Variants in SAMD5 observed in about 807,000 individuals in gnomAD.
SAMD5 encodes the protein sterile alpha motif domain-containing protein 5.
SAMD5 carries 13 observed loss-of-function variants against 11.3 expected under a neutral mutation model. The observed-to-expected ratio is 1.15, with a 90% CI of 0.75 to 1.83. SAMD5 has a LOEUF of 1.83. SAMD5 is among the 40% of genes most tolerant of loss of function. SAMD5 has a pLI of 0.00. For synonymous variants in SAMD5, 129 were observed against 111.3 expected, an observed-to-expected ratio of 1.16 and a Z score of -1.00; for missense variants, 255 against 239.1, an observed-to-expected ratio of 1.07 and a Z score of -0.44.
At chr6:147,677,618 AAGGGGCTGGGCAGC>A (rs949903177) in intron 1 of SAMD5, among the ~76,000 whole-genome samples, 1 of 152,142 alleles carries the variant, frequency 6.6e-6, no homozygotes, top group Non-Finnish European at 1.5e-5. Context: ...GAGTAGCATA[AAGGGGCTGGGCAGC>A]AGAAGAGCTC....
the SAMD5 span, among the ~76,000 whole-genome samples, chr6:147,814,230 T>A: frequency 6.6e-6 from 1 of 152,188 alleles, no homozygotes; most frequent in African/African-American, 2.4e-5. Context: ...AATAAGAATC[T>A]AGGGTTTTGT....
chr6:147,599,043 G>A (rs1789577765), intron 1 of SAMD5, among the ~76,000 whole-genome samples: 1 of 152,224 alleles, frequency 6.6e-6, no homozygotes, highest in South Asian at 2.1e-4. Context: ...TGGAGCAGGA[G>A]GAGAACTGAG....
chr6:147,816,301 A>AAAAAAAAAAAAAAAAATAT, the SAMD5 span, among the ~76,000 whole-genome samples: 3 of 66,356 alleles, frequency 4.5e-5, no homozygotes, highest in African/African-American at 1.0e-4. Context: ...AAAAAAAAAA[A>AAAAAAAAAAAAAAAAATAT]ATATATATAT....
the SAMD5 span, among the ~76,000 whole-genome samples, chr6:147,927,136 T>G: frequency 2.0e-5 from 3 of 152,196 alleles, no homozygotes; most frequent in Non-Finnish European, 4.4e-5. Context: ...AATATTGCCT[T>G]GGTTATTCGG....
intron 1 of SAMD5, among the ~76,000 whole-genome samples, chr6:147,737,065 A>T (rs1791813318): frequency 6.6e-6 from 1 of 152,166 alleles, no homozygotes; most frequent in Non-Finnish European, 1.5e-5. Flanking sequence ...TTAACTTTGC[A>T]ATGCATGTAT....
intron 1 of SAMD5, among the ~76,000 whole-genome samples, chr6:147,733,467 A>G (rs1181333849): frequency 6.6e-6 from 1 of 151,062 alleles, no homozygotes; most frequent in Non-Finnish European, 1.5e-5. Flanking sequence ...CATTGAAACA[A>G]CTGGACTGAG....
At chr6:147,650,209 G>A (rs973338507) in intron 1 of SAMD5, among the ~76,000 whole-genome samples, 1 of 152,100 alleles carries the variant, frequency 6.6e-6, no homozygotes, top group Non-Finnish European at 1.5e-5. Context: ...ACACACAAGG[G>A]CCTACAGTTC....
chr6:147,816,605 T>C, the SAMD5 span, among the ~76,000 whole-genome samples: 6 of 151,998 alleles, frequency 3.9e-5, no homozygotes, highest in Admixed American at 2.0e-4. Flanking sequence ...ATTATTTATT[T>C]TTTATGATTT....
At chr6:147,511,627 CAAA>C (rs35910441) in intron 1 of SAMD5, among the ~76,000 whole-genome samples, 1 of 136,618 alleles carries the variant, frequency 7.3e-6, no homozygotes, top group Non-Finnish European at 1.6e-5. Context: ...AGTTGGGGAC[CAAA>C]AAAAAAAAAA....
At chr6:147,621,958 G>C (rs143206412) in intron 1 of SAMD5, among the ~76,000 whole-genome samples, 12 of 152,340 alleles carry the variant, frequency 7.9e-5, no homozygotes, top group African/African-American at 2.6e-4. Context: ...CGGATAAAAT[G>C]ATTCTCAGGA....
intron 1 of SAMD5, among the ~76,000 whole-genome samples, chr6:147,705,581 C>G (rs1375640376): frequency 2.0e-5 from 3 of 152,096 alleles, no homozygotes; most frequent in Admixed American, 2.0e-4. Context: ...TCTACTGTAT[C>G]CTCTCATGTG....
At chr6:147,585,632 A>G (rs140938715) in intron 1 of SAMD5, among the ~76,000 whole-genome samples, 3,155 of 152,290 alleles carry the variant, frequency 0.021, 52 homozygotes, top group South Asian at 0.042. Context: ...AGTGTTCCAT[A>G]GAGTAGCAAT....
At chr6:147,586,393 G>A (rs1269504956) in intron 1 of SAMD5, among the ~76,000 whole-genome samples, 1 of 152,072 alleles carries the variant, frequency 6.6e-6, no homozygotes, top group Admixed American at 6.5e-5. Context: ...CAAGTCTTAC[G>A]AAATTTTACC....
chr6:147,765,212 T>G, the SAMD5 span, among the ~76,000 whole-genome samples: 1 of 152,188 alleles, frequency 6.6e-6, no homozygotes, highest in East Asian at 1.9e-4. Context: ...TTCTTGTCTT[T>G]TTTTTGTGTT....
At chr6:147,798,768 T>A in the SAMD5 span, among the ~76,000 whole-genome samples, 5 of 152,170 alleles carry the variant, frequency 3.3e-5, no homozygotes, top group African/African-American at 1.2e-4. Flanking sequence ...TGGGTGCATA[T>A]ATATTTAGGA....
intron 1 of SAMD5, among the ~76,000 whole-genome samples, chr6:147,622,109 C>A (rs1789979811): frequency 6.6e-6 from 1 of 152,150 alleles, no homozygotes; most frequent in Admixed American, 6.5e-5. Context: ...GCCTGACATT[C>A]CCAAAGATAG....
chr6:147,730,906 G>A (rs1429108237), intron 1 of SAMD5, among the ~76,000 whole-genome samples: 2 of 152,140 alleles, frequency 1.3e-5, no homozygotes, highest in Non-Finnish European at 2.9e-5. Flanking sequence ...AATGGAGGTG[G>A]TGTTGGAAGC....
chr6:147,951,222 G>A, the SAMD5 span, among the ~76,000 whole-genome samples: 60 of 147,968 alleles, frequency 4.1e-4, no homozygotes, highest in Non-Finnish European at 6.4e-4. Flanking sequence ...TCGCTCTGTC[G>A]CCAGGCTGGA....
intron 1 of SAMD5, among the ~76,000 whole-genome samples, chr6:147,669,325 C>T (rs1335513142): frequency 1.3e-5 from 2 of 152,036 alleles, no homozygotes; most frequent in South Asian, 4.1e-4. Flanking sequence ...TCCCAAAAGA[C>T]CACTTCCTTG....
Sources: gnomAD v4.1 joint callset for allele counts (sites outside exome capture counted in the v4.1 genomes callset) on GRCh38, gnomAD v4.1.1 for gene constraint, MANE v1.5 for transcripts, NCBI Gene and HGNC (gene_info 2026-07-23, HGNC 2026-07-21) for gene names.